The following DENND4C variants were observed in gnomAD, a reference collection of about 807,000 sequenced individuals.
DENND4C encodes DENN domain-containing protein 4C.
DENND4C carries 108 observed loss-of-function variants against 203.0 expected under a neutral mutation model. The observed-to-expected ratio is 0.53, with a 90% CI of 0.46 to 0.62. The LOEUF (loss-of-function observed/expected upper bound fraction) is 0.62. Ranked by LOEUF, DENND4C falls within the 20% of genes least tolerant of loss-of-function variation. The pLI is 0.00. For missense variants in DENND4C, 2,481 were observed against 2,301.2 expected, an observed-to-expected ratio of 1.08 and a Z score of -1.60; for synonymous variants, 871 against 792.4, an observed-to-expected ratio of 1.10 and a Z score of -1.67.
chr9:19,331,828 A>C, intron 16 of DENND4C, 150 bp from the exon 17 acceptor site: 1 of 638,346 alleles, frequency 1.6e-6, no homozygotes, highest in Non-Finnish European at 2.7e-6. Flanking sequence ...AACACTGATA[A>C]GCAGGAAGCC....
At chr9:19,258,135 A>G (rs1452040400) in intron 1 of DENND4C, among the ~76,000 whole-genome samples, 2 of 151,616 alleles carry the variant, frequency 1.3e-5, no homozygotes, top group Non-Finnish European at 2.9e-5. Flanking sequence ...CAATCAATCA[A>G]TCTATCTATC....
Position 19,346,047 on chromosome 9 carries a change from G to A in DENND4C, c.3278G>A (p.Ser1093Asn). 6.2e-7 allele frequency: 1 copy of A among 1,614,138 alleles called. No individual in the cohort carries two copies. Among genetic ancestry groups the A allele is most frequent in the Non-Finnish European group, 8.5e-7 (1 of 1,180,032 alleles). The change falls in exon 23 of 33, where the codon AGT becomes AAT. Residue 1093 changes from serine (S) to asparagine (N), a missense_variant. Ser to Asn is a conservative substitution (Grantham distance 46, BLOSUM62 1). Around this residue, in one of 3 missense-constraint regions of DENND4C, gnomAD observed 2,289 missense variants for 2,113.3 expected, o/e 1.08. Transcript: ENST00000434457. Reference protein sequence around the residue: ...EKRQKHFPERSCSFSSESRAG... With the variant: ...EKRQKHFPERNCSFSSESRAG... ...AGACAAAAGCATTTTCCTGAGAGGA[G>A]TTGTAGTTTTAGTTCTGAAAGTCGA...
intron 10 of DENND4C, among the ~76,000 whole-genome samples, chr9:19,313,840 T>G (rs746374420): frequency 7.9e-5 from 12 of 152,154 alleles, no homozygotes; most frequent in Non-Finnish European, 1.6e-4. Context: ...AGGCATATAG[T>G]AATGAATTCT....
At position 19,346,542 on chromosome 9, in the gene DENND4C, C is replaced by CTGAA; in HGVS notation, c.3776_3779dup (p.Cys1260Ter). The CTGAA allele has an allele frequency of 6.2e-7, 1 of 1,614,104 alleles. No homozygotes were observed. The highest frequency in any genetic ancestry group is 8.5e-7 in the Non-Finnish European group (1 of 1,180,034). The stretch of plus-strand genomic sequence containing the variant: ...CTAGATCCTTTGTCTCTTTTAGCCA[C>CTGAA]TGAATGTACAGGAGGAAAAACTCCT... On this transcript the variant is annotated frameshift_variant, in exon 23 of 33. Coordinates refer to ENST00000434457, the MANE Select transcript of DENND4C (RefSeq NM_001330640.2). LOFTEE classifies it high-confidence loss of function.
At chr9:19,266,385 A>C (rs1358402234) in intron 1 of DENND4C, among the ~76,000 whole-genome samples, 1 of 146,216 alleles carries the variant, frequency 6.8e-6, no homozygotes, top group Non-Finnish European at 1.5e-5. Context: ...TAGATTGTAA[A>C]AATTTTCTCC....
At chr9:19,235,883 C>T (rs961606560) in intron 1 of DENND4C, among the ~76,000 whole-genome samples, 1 of 151,802 alleles carries the variant, frequency 6.6e-6, no homozygotes, top group African/African-American at 2.4e-5. Context: ...CAGGTGTGAG[C>T]CACTGCGCCT....
chr9:19,369,746 A>G (rs947403349), intron 30 of DENND4C, 91 bp from the exon 31 acceptor site: 30 of 786,418 alleles, frequency 3.8e-5, no homozygotes, highest in Non-Finnish European at 4.9e-5. Flanking sequence ...CAGCCTGGGT[A>G]ACAGAGTGAG....
intron 1 of DENND4C, among the ~76,000 whole-genome samples, chr9:19,274,344 G>A (rs1832405155): frequency 6.6e-6 from 1 of 151,782 alleles, no homozygotes; most frequent in South Asian, 2.1e-4. Context: ...TGCCCAGGCT[G>A]GAGTGCAATG....
intron 3 of DENND4C, among the ~76,000 whole-genome samples, chr9:19,288,339 C>G (rs1333575072): frequency 6.6e-6 from 1 of 152,176 alleles, no homozygotes; most frequent in Non-Finnish European, 1.5e-5. Context: ...AAGGGGCAAT[C>G]TCTGAGTGAT....
At position 19,316,663 on chromosome 9, in the gene DENND4C, C is replaced by T; in HGVS notation, c.1631C>T (p.Pro544Leu). The change falls in exon 12 of 33, where the codon CCA becomes CTA. Residue 544 changes from proline to leucine, a missense_variant. Pro to Leu is a moderately conservative substitution (Grantham distance 98). This residue lies in a region of DENND4C where 2,289 missense variants were observed against 2,113.3 expected (regional missense o/e 1.08). Coordinates refer to ENST00000434457, the MANE Select transcript of DENND4C (RefSeq NM_001330640.2). ...GAAGGCTCAGCGATTGACATGACTC[C>T]AATTGAAGCAGATTTCTCCTGGCAA... ...TQEGSAIDMT[P>L]IEADFSWQKK... is the part of the protein sequence containing the mutation. The T allele has an allele frequency of 6.2e-7, 1 of 1,614,008 alleles. No homozygotes were observed. The highest frequency in any genetic ancestry group is 2.2e-5 in the East Asian group (1 of 44,868).
At chr9:19,342,819 A>T (rs1314216360) in intron 22 of DENND4C, 40 bp downstream of exon 22, 1 of 1,463,800 alleles carries the variant, frequency 6.8e-7, no homozygotes, top group Non-Finnish European at 9.1e-7. Context: ...TTTAAAATAT[A>T]CTTTTATAGA....
intron 5 of DENND4C, among the ~76,000 whole-genome samples, chr9:19,295,650 A>G (rs1168499365): frequency 1.3e-5 from 2 of 149,640 alleles, no homozygotes; most frequent in African/African-American, 5.0e-5. Flanking sequence ...AGCCTGGGCG[A>G]CTGAGTGAGA....
chr9:19,285,995 C>T (rs1835137867), intron 2 of DENND4C, among the ~76,000 whole-genome samples: 1 of 152,124 alleles, frequency 6.6e-6, no homozygotes, highest in Non-Finnish European at 1.5e-5. Flanking sequence ...TGTGAGTCCT[C>T]CAACTTTCTT....
At chr9:19,364,846 G>T (rs1436580891) in intron 30 of DENND4C, among the ~76,000 whole-genome samples, 1 of 151,988 alleles carries the variant, frequency 6.6e-6, no homozygotes, top group Non-Finnish European at 1.5e-5. Flanking sequence ...AGTGAGCCGA[G>T]ATCGTGCCAC....
intron 12 of DENND4C, among the ~76,000 whole-genome samples, chr9:19,319,119 A>G (rs1480162369): frequency 6.6e-6 from 1 of 151,452 alleles, no homozygotes; most frequent in Non-Finnish European, 1.5e-5. Context: ...CGGTGAGCCA[A>G]GATCACTGTA....
intron 8 of DENND4C, 150 bp from the exon 9 acceptor site, chr9:19,300,037 C>A: frequency 1.4e-6 from 1 of 734,882 alleles, no homozygotes; most frequent in Non-Finnish European, 2.0e-6. Context: ...CGTTATCTAT[C>A]TTATTAAATT....
chr9:19,230,939 C>A (rs1010489260), intron 1 of DENND4C, 106 bp downstream of exon 1: 3 of 152,320 alleles, frequency 2.0e-5, no homozygotes, highest in Non-Finnish European at 4.4e-5. Context: ...GCCCGGAGGG[C>A]TGAGTTCCGA....
intron 10 of DENND4C, 50 bp downstream of exon 10, chr9:19,305,577 A>G (rs1839489476): frequency 1.3e-6 from 2 of 1,532,242 alleles, no homozygotes; most frequent in African/African-American, 1.4e-5. Flanking sequence ...TTCACTATGT[A>G]GAGTTACAGT....
At chr9:19,345,688 G>C (rs1822723674) in intron 22 of DENND4C, among the ~76,000 whole-genome samples, 1 of 152,070 alleles carries the variant, frequency 6.6e-6, no homozygotes, top group African/African-American at 2.4e-5. Flanking sequence ...TTAAATGGGT[G>C]TTTATATAAA....
Sources: allele counts gnomAD v4.1 joint callset (sites outside exome capture counted in the v4.1 genomes callset), GRCh38; gene constraint gnomAD v4.1.1; regional missense constraint gnomAD v4.1.1; transcripts MANE v1.5; gene names NCBI Gene and HGNC (gene_info 2026-07-23, HGNC 2026-07-21).